Variants in ZC3H12B observed in about 807,000 individuals in gnomAD.
ZC3H12B encodes probable ribonuclease ZC3H12B.
In ZC3H12B, 7 loss-of-function variants were observed where a neutral mutation model predicts 43.9. That is an observed-to-expected ratio of 0.16 (90% CI 0.09 to 0.30). The LOEUF is 0.30. Among genes scored for constraint, ZC3H12B ranks in the 10% least tolerant of loss-of-function variants. The pLI is 1.00. For synonymous variants in ZC3H12B, 222 were observed against 241.7 expected, an observed-to-expected ratio of 0.92 and a Z score of 0.76; for missense variants, 475 against 670.2, an observed-to-expected ratio of 0.71 and a Z score of 3.22.
At chrX:65,372,504 G>A (rs1472922921) in intron 2 of ZC3H12B, among the ~76,000 whole-genome samples, 3 of 73,428 alleles carry the variant, frequency 4.1e-5, no homozygotes, top group Non-Finnish European at 7.9e-5. Flanking sequence ...AGGAAGGAAA[G>A]GAAGGAAGGA....
chrX:65,252,953 T>A, the ZC3H12B span, among the ~76,000 whole-genome samples: 3 of 112,290 alleles, frequency 2.7e-5, no homozygotes, highest in African/African-American at 9.7e-5. Flanking sequence ...TGGGATTATG[T>A]TAGAAGTTAG....
the ZC3H12B span, among the ~76,000 whole-genome samples, chrX:65,173,434 G>A: frequency 9.0e-6 from 1 of 111,409 alleles, no homozygotes; most frequent in Admixed American, 9.6e-5. Context: ...GCCTGATTGT[G>A]CTAGTCAGAA....
At chrX:65,271,448 G>A in the ZC3H12B span, 1 of 112,486 alleles carries the variant, frequency 8.9e-6, no homozygotes, top group African/African-American at 3.2e-5. Context: ...GATTAAAAAG[G>A]GTGGCATTCT....
chrX:65,134,760 G>A, the ZC3H12B span, among the ~76,000 whole-genome samples: 1 of 111,604 alleles, frequency 9.0e-6, no homozygotes, highest in Non-Finnish European at 1.9e-5. Context: ...CTTTGTGTGA[G>A]CAACAAGGCT....
At chrX:65,163,014 G>A in the ZC3H12B span, among the ~76,000 whole-genome samples, 3 of 112,148 alleles carry the variant, frequency 2.7e-5, no homozygotes, top group Non-Finnish European at 5.6e-5. Context: ...AGGTCTGTTG[G>A]AGTTTGCTGG....
intron 2 of ZC3H12B, among the ~76,000 whole-genome samples, chrX:65,372,600 G>T (rs1340778552): frequency 9.4e-6 from 1 of 106,105 alleles, no homozygotes; most frequent in Non-Finnish European, 2.0e-5. Context: ...GAGGGAAGAA[G>T]AGTGGACAGG....
the ZC3H12B span, among the ~76,000 whole-genome samples, chrX:65,340,763 C>G: frequency 2.1e-4 from 24 of 112,350 alleles, no homozygotes; most frequent in African/African-American, 7.8e-4. Flanking sequence ...GAGAAAGAAC[C>G]AGTGCAAGGA....
At chrX:65,327,504 A>G in the ZC3H12B span, among the ~76,000 whole-genome samples, 3 of 111,622 alleles carry the variant, frequency 2.7e-5, no homozygotes, top group African/African-American at 9.7e-5. Flanking sequence ...ATCTGAGCAA[A>G]GATAAAATCT....
chrX:65,420,529 T>G (rs1225227928), intron 3 of ZC3H12B, among the ~76,000 whole-genome samples: 1 of 111,850 alleles, frequency 8.9e-6, no homozygotes, highest in African/African-American at 3.3e-5. Flanking sequence ...AATGCACAAG[T>G]ACCAACACAC....
intron 3 of ZC3H12B, among the ~76,000 whole-genome samples, chrX:65,472,825 GATATATATATATATATATATAT>G (rs58372328): frequency 3.2e-5 from 1 of 31,583 alleles, no homozygotes; most frequent in Non-Finnish European, 4.9e-5. Context: ...CCATACCTTT[GATATATATATATATATATATAT>G]ATATATATAT....
chrX:65,090,073 AAC>A, the ZC3H12B span, among the ~76,000 whole-genome samples: 1 of 112,435 alleles, frequency 8.9e-6, no homozygotes, highest in Non-Finnish European at 1.9e-5. Flanking sequence ...ATAAACTAGT[AAC>A]AGTCATTTAT....
chrX:65,160,728 T>C, the ZC3H12B span, among the ~76,000 whole-genome samples: 1 of 111,904 alleles, frequency 8.9e-6, no homozygotes, highest in South Asian at 3.7e-4. Flanking sequence ...GATTAATTAA[T>C]TTTTTGAAGG....
At chrX:65,075,758 G>A in the ZC3H12B span, among the ~76,000 whole-genome samples, 2 of 111,678 alleles carry the variant, frequency 1.8e-5, no homozygotes, top group African/African-American at 6.5e-5. Flanking sequence ...CCAGATACAG[G>A]GAAGACAGAA....
chrX:65,203,953 A>G, the ZC3H12B span, among the ~76,000 whole-genome samples: 1 of 111,516 alleles, frequency 9.0e-6, no homozygotes, highest in African/African-American at 3.3e-5. Flanking sequence ...GATGTTATAA[A>G]TGGTTCCTCC....
the ZC3H12B span, among the ~76,000 whole-genome samples, chrX:65,265,855 G>A: frequency 9.0e-6 from 1 of 111,469 alleles, no homozygotes; most frequent in South Asian, 3.7e-4. Flanking sequence ...ATCAGATATT[G>A]GACAACCAGC....
intron 3 of ZC3H12B, chrX:65,469,390 G>A (rs778987733): frequency 1.0e-4 from 47 of 448,377 alleles, no homozygotes; most frequent in Non-Finnish European, 1.8e-4. Flanking sequence ...GAGATCTTTG[G>A]CACCATCAAG....
the ZC3H12B span, among the ~76,000 whole-genome samples, chrX:65,085,949 C>G: frequency 5.4e-5 from 6 of 110,384 alleles, no homozygotes; most frequent in African/African-American, 2.0e-4. Context: ...GATCACAGAG[C>G]ATACAGCAAA....
intron 2 of ZC3H12B, among the ~76,000 whole-genome samples, chrX:65,371,777 G>A (rs190637740): frequency 8.9e-6 from 1 of 111,740 alleles, no homozygotes; most frequent in Non-Finnish European, 1.9e-5. Context: ...ATTTGGAGCT[G>A]TAACACTCAG....
At chrX:65,103,995 A>G in the ZC3H12B span, among the ~76,000 whole-genome samples, 1 of 111,897 alleles carries the variant, frequency 8.9e-6, no homozygotes, top group Non-Finnish European at 1.9e-5. Context: ...AGCTGGAGGT[A>G]TCATGCTACC....
Sources: gnomAD v4.1 joint callset for allele counts (sites outside exome capture counted in the v4.1 genomes callset) on GRCh38, gnomAD v4.1.1 for gene constraint, MANE v1.5 for transcripts, NCBI Gene and HGNC (gene_info 2026-07-23, HGNC 2026-07-21) for gene names.